Variants in CCSER2 observed in about 807,000 individuals in gnomAD.
The protein encoded by CCSER2 is serine-rich coiled-coil domain-containing protein 2.
CCSER2 carries 46 observed loss-of-function variants against 92.3 expected under a neutral mutation model. That is an observed-to-expected ratio of 0.50 (90% CI 0.39 to 0.64). The LOEUF (loss-of-function observed/expected upper bound fraction) is 0.64, where lower values mean the gene tolerates loss of function less well. Ranked by LOEUF, CCSER2 falls within the 30% of genes least tolerant of loss-of-function variation. The probability of loss-of-function intolerance (pLI) is 0.00; values close to 1 mark genes in which losing one functional copy is unlikely to be tolerated. For synonymous variants in CCSER2, 433 were observed against 431.4 expected, an observed-to-expected ratio of 1.00 and a Z score of -0.04; for missense variants, 1,244 against 1,238.9, an observed-to-expected ratio of 1.00 and a Z score of -0.06.
intron 3 of CCSER2, among the ~76,000 whole-genome samples, chr10:84,400,498 TG>T (rs1391179471): frequency 1.3e-5 from 2 of 152,130 alleles, no homozygotes; most frequent in Non-Finnish European, 2.9e-5. Flanking sequence ...GAGAGTTTTA[TG>T]GTTTTAGTTC....
intron 6 of CCSER2, among the ~76,000 whole-genome samples, chr10:84,440,383 C>G (rs1231102859): frequency 1.3e-5 from 2 of 152,006 alleles, no homozygotes; most frequent in African/African-American, 4.8e-5. Context: ...TGACTGAGTT[C>G]AAAATTTCAT....
chr10:84,333,455 G>A (rs1157684079), intron 1 of CCSER2, among the ~76,000 whole-genome samples: 1 of 152,166 alleles, frequency 6.6e-6, no homozygotes, highest in Admixed American at 6.5e-5. Context: ...TAGGTAGTAA[G>A]CATTGGAACT....
At chr10:84,455,580 C>T in intron 6 of CCSER2, 1 of 487,080 alleles carries the variant, frequency 2.1e-6, no homozygotes. Flanking sequence ...CCAGCCTTTT[C>T]CACTTTCTTT....
intron 4 of CCSER2, 85 bp downstream of exon 4, chr10:84,417,946 TTCTTAA>T (rs1842961009): frequency 1.3e-6 from 1 of 742,056 alleles, no homozygotes. Flanking sequence ...ACTTGCAGAC[TTCTTAA>T]TCTTAATGGA....
At chr10:84,406,820 C>G (rs1842403228) in intron 3 of CCSER2, among the ~76,000 whole-genome samples, 1 of 152,150 alleles carries the variant, frequency 6.6e-6, no homozygotes, top group Non-Finnish European at 1.5e-5. Context: ...GCGTGGTTTC[C>G]TCTTTTCCTG....
intron 6 of CCSER2, among the ~76,000 whole-genome samples, chr10:84,456,211 C>T (rs974490765): frequency 1.3e-5 from 2 of 152,190 alleles, no homozygotes; most frequent in South Asian, 4.1e-4. Flanking sequence ...GCAGCTATTA[C>T]AATCCCCTCC....
intron 3 of CCSER2, among the ~76,000 whole-genome samples, chr10:84,392,361 A>G (rs1455197887): frequency 2.6e-5 from 4 of 152,016 alleles, no homozygotes; most frequent in African/African-American, 9.6e-5. Flanking sequence ...TCTACTCACA[A>G]AACAGCACAT....
At chr10:84,391,246 G>A in intron 3 of CCSER2, 2 of 1,369,798 alleles carry the variant, frequency 1.5e-6, no homozygotes, top group Non-Finnish European at 2.1e-6. Context: ...CCCAAGCCAT[G>A]CTAAACAATG....
chr10:84,363,155 T>TC (rs1435656417), intron 1 of CCSER2, among the ~76,000 whole-genome samples: 1 of 146,868 alleles, frequency 6.8e-6, no homozygotes, highest in Non-Finnish European at 1.5e-5. Flanking sequence ...CTATTTTTTT[T>TC]TTTTTTTTTT....
intron 1 of CCSER2, among the ~76,000 whole-genome samples, chr10:84,340,005 C>T (rs1844084941): frequency 6.6e-6 from 1 of 151,988 alleles, no homozygotes; most frequent in Admixed American, 6.6e-5. Flanking sequence ...CCACGCCCGG[C>T]TAATTTTTTA....
chr10:84,372,646 T>G (rs1477088294), intron 2 of CCSER2, among the ~76,000 whole-genome samples, 177 bp downstream of exon 2: 1 of 152,082 alleles, frequency 6.6e-6, no homozygotes, highest in Non-Finnish European at 1.5e-5. Flanking sequence ...CCATACCCCA[T>G]TTTTCACCCT....
intron 6 of CCSER2, among the ~76,000 whole-genome samples, chr10:84,452,892 A>T (rs1845381191): frequency 6.6e-6 from 1 of 151,082 alleles, no homozygotes; most frequent in Non-Finnish European, 1.5e-5. Flanking sequence ...TTAGTCAAGG[A>T]TTAATAGAGA....
intron 5 of CCSER2, among the ~76,000 whole-genome samples, chr10:84,428,666 G>A (rs958745232): frequency 6.6e-6 from 1 of 152,048 alleles, no homozygotes; most frequent in Non-Finnish European, 1.5e-5. Flanking sequence ...AAAGCCAATA[G>A]GTGTGTCTTG....
chr10:84,387,438 C>T (rs1269996684), intron 3 of CCSER2, among the ~76,000 whole-genome samples: 1 of 152,184 alleles, frequency 6.6e-6, no homozygotes, highest in Non-Finnish European at 1.5e-5. Context: ...CTTCGTACGT[C>T]TAATCATGTT....
At chr10:84,413,158 C>G (rs1449019095) in intron 3 of CCSER2, among the ~76,000 whole-genome samples, 1 of 147,030 alleles carries the variant, frequency 6.8e-6, no homozygotes, top group African/African-American at 2.5e-5. Flanking sequence ...TTCAGTTCAG[C>G]TCTGATCTTG....
chr10:84,457,999 G>A (rs1354909339), intron 6 of CCSER2, among the ~76,000 whole-genome samples: 5 of 151,698 alleles, frequency 3.3e-5, no homozygotes, highest in Admixed American at 6.6e-5. Context: ...CGCCTGCTTC[G>A]GCCTCCCAAA....
intron 8 of CCSER2, chr10:84,473,041 CA>C (rs1275238875): frequency 6.6e-6 from 1 of 151,970 alleles, no homozygotes; most frequent in Non-Finnish European, 1.5e-5. Context: ...GAGACTGCAC[CA>C]GTTGTCCTGA....
chr10:84,379,691 C>G (rs1205977357), intron 3 of CCSER2, among the ~76,000 whole-genome samples: 1 of 152,012 alleles, frequency 6.6e-6, no homozygotes, highest in Non-Finnish European at 1.5e-5. Flanking sequence ...ATTTATATAT[C>G]CATGAACAAT....
intron 9 of CCSER2, among the ~76,000 whole-genome samples, chr10:84,497,791 A>G (rs972579952): frequency 9.2e-5 from 14 of 152,220 alleles, no homozygotes; most frequent in Non-Finnish European, 1.8e-4. Flanking sequence ...AGGAGAGACA[A>G]TTTAATACAA....
Sources: gnomAD v4.1 joint callset for allele counts (sites outside exome capture counted in the v4.1 genomes callset) on GRCh38, gnomAD v4.1.1 for gene constraint, MANE v1.5 for transcripts, NCBI Gene and HGNC (gene_info 2026-07-23, HGNC 2026-07-21) for gene names.